The following CALCRL variants were observed in gnomAD, a reference collection of about 807,000 sequenced individuals.
CALCRL encodes the protein calcitonin receptor like receptor.
A neutral mutation model predicts 60.4 loss-of-function variants in CALCRL; 27 were observed. That is an observed-to-expected ratio of 0.45 (90% CI 0.33 to 0.62). The LOEUF (loss-of-function observed/expected upper bound fraction) is 0.62. Among genes scored for constraint, CALCRL ranks in the 20% least tolerant of loss-of-function variants. The pLI is 0.03. For synonymous variants in CALCRL, 190 were observed against 182.6 expected, an observed-to-expected ratio of 1.04 and a Z score of -0.33; for missense variants, 424 against 540.7, an observed-to-expected ratio of 0.78 and a Z score of 2.14.
At chr2:187,374,803 A>G (rs182751557) in intron 8 of CALCRL, among the ~76,000 whole-genome samples, 3 of 152,246 alleles carry the variant, frequency 2.0e-5, no homozygotes, top group East Asian at 1.9e-4. Context: ...GCCAGGTACT[A>G]TATGAGTCTA....
chr2:187,361,053 T>C (rs892758767), intron 9 of CALCRL, among the ~76,000 whole-genome samples: 4 of 152,072 alleles, frequency 2.6e-5, no homozygotes, highest in Non-Finnish European at 4.4e-5. Flanking sequence ...TAATTATAAG[T>C]ATAAAAGTGT....
intron 4 of CALCRL, among the ~76,000 whole-genome samples, chr2:187,383,799 T>C (rs138018896): frequency 2.6e-5 from 4 of 152,316 alleles, no homozygotes; most frequent in Admixed American, 2.0e-4. Context: ...ATTGTCATGA[T>C]ATTTTGATAA....
chr2:187,430,245 G>T (rs1559076386), intron 1 of CALCRL, among the ~76,000 whole-genome samples: 1 of 152,178 alleles, frequency 6.6e-6, no homozygotes, highest in Non-Finnish European at 1.5e-5. Flanking sequence ...TGCTGTGGGA[G>T]AAAGAACAAT....
At chr2:187,349,647 G>C (rs698591) in intron 14 of CALCRL, among the ~76,000 whole-genome samples, 151,285 of 151,766 alleles carry the variant, frequency 1, 75,406 homozygotes, top group Middle Eastern at 1. Context: ...AAAGATTTGG[G>C]AACAACCTAG....
chr2:187,398,897 A>C (rs1376522788), intron 1 of CALCRL, among the ~76,000 whole-genome samples: 1 of 151,694 alleles, frequency 6.6e-6, no homozygotes, highest in Non-Finnish European at 1.5e-5. Flanking sequence ...ATAACATTAG[A>C]GCCCTTTAAT....
chr2:187,370,567 T>G (rs982298656), intron 8 of CALCRL, among the ~76,000 whole-genome samples: 1 of 152,160 alleles, frequency 6.6e-6, no homozygotes, highest in African/African-American at 2.4e-5. Context: ...GGAATAAAGA[T>G]ATGTGATATT....
chr2:187,422,345 C>T (rs1017062603), intron 1 of CALCRL, among the ~76,000 whole-genome samples: 1 of 152,042 alleles, frequency 6.6e-6, no homozygotes, highest in Non-Finnish European at 1.5e-5. Context: ...GCTTGATAGC[C>T]CTGCTAACAA....
intron 1 of CALCRL, among the ~76,000 whole-genome samples, chr2:187,424,434 C>T (rs2105879600): frequency 7.5e-6 from 1 of 133,192 alleles, no homozygotes; most frequent in East Asian, 2.0e-4. Flanking sequence ...CTAGGCATTT[C>T]TCAAATACTT....
intron 1 of CALCRL, among the ~76,000 whole-genome samples, chr2:187,432,548 T>C (rs1376960598): frequency 1.3e-5 from 2 of 152,154 alleles, no homozygotes; most frequent in Non-Finnish European, 2.9e-5. Context: ...AAAAGTAATC[T>C]CTGCAACTGA....
At chr2:187,445,715 T>G (rs1359150225) in intron 1 of CALCRL, among the ~76,000 whole-genome samples, 2 of 151,542 alleles carry the variant, frequency 1.3e-5, no homozygotes, top group Admixed American at 6.6e-5. Context: ...TATTTTCAAT[T>G]TTTTATGAAA....
chr2:187,351,496 G>A (rs1419649367), intron 14 of CALCRL, among the ~76,000 whole-genome samples: 3 of 151,734 alleles, frequency 2.0e-5, no homozygotes, highest in Non-Finnish European at 4.4e-5. Context: ...TTGCCATAAA[G>A]TTGTTTCCAT....
Position 187,342,048 on chromosome 2 carries a change from G to C in CALCRL, c.*4136C>G, listed in dbSNP as rs1031988169. On this transcript the variant is annotated 3_prime_UTR_variant, in exon 15 of 15. Transcript: ENST00000392370. ...ACAGACAAATGAATAAATAAAATGT[G>C]GTATGTTCACCCAATGGAATAAAAG... 6.6e-6 allele frequency among the ~76,000 whole-genome samples: 1 copy of C among 151,672 alleles called. No individual in the cohort carries two copies. The highest frequency in any genetic ancestry group is 6.6e-5 in the Admixed American group (1 of 15,210).
intron 1 of CALCRL, among the ~76,000 whole-genome samples, chr2:187,408,444 C>A (rs957568531): frequency 6.6e-6 from 1 of 151,776 alleles, no homozygotes; most frequent in Non-Finnish European, 1.5e-5. Context: ...AGAAATAAAA[C>A]CCAATGATGT....
In CALCRL at chr2:187,359,259, A is replaced by C; in HGVS notation, c.795T>G (p.Ile265Met). 6.4e-7 allele frequency: 1 copy of C among 1,559,100 alleles called. No individual in the cohort carries two copies. ...TAGCAATGGCATGTATACAAGCAGG[A>C]ATCAGTGGAAATCCTGTAATAACAA... ...YYFLGWGFPL[I>M]PACIHAIARS... Residue 265 changes from isoleucine (I) to methionine (M), a missense_variant, in exon 11 of 15, where the codon ATT becomes ATG. Coordinates refer to ENST00000392370, the MANE Select transcript of CALCRL (RefSeq NM_005795.6).
At chr2:187,401,941 A>G (rs1299133159) in intron 1 of CALCRL, among the ~76,000 whole-genome samples, 1 of 151,444 alleles carries the variant, frequency 6.6e-6, no homozygotes, top group African/African-American at 2.4e-5. Context: ...GAAATCAAGG[A>G]AAGAAGGAAG....
At chr2:187,383,091 A>C (rs763427109) in intron 5 of CALCRL, 82 bp downstream of exon 5, 63 of 1,366,302 alleles carry the variant, frequency 4.6e-5, no homozygotes, top group Non-Finnish European at 5.9e-5. Flanking sequence ...TAATGGACCT[A>C]AAGCACTTAT....
At chr2:187,447,328 A>G (rs1178437614) in intron 1 of CALCRL, among the ~76,000 whole-genome samples, 1 of 151,930 alleles carries the variant, frequency 6.6e-6, no homozygotes, top group African/African-American at 2.4e-5. Flanking sequence ...AAAGATTTCA[A>G]AATTAAGAAT....
intron 1 of CALCRL, among the ~76,000 whole-genome samples, chr2:187,439,378 C>G (rs2105906726): frequency 6.6e-6 from 1 of 152,080 alleles, no homozygotes; most frequent in East Asian, 1.9e-4. Context: ...TGCTCACACC[C>G]AGGAGACAGA....
chr2:187,417,827 T>G (rs1162242041), intron 1 of CALCRL, among the ~76,000 whole-genome samples: 1 of 152,204 alleles, frequency 6.6e-6, no homozygotes, highest in Non-Finnish European at 1.5e-5. Flanking sequence ...TTTAAAGGTA[T>G]GAACTATAAA....
Sources: allele counts gnomAD v4.1 joint callset (sites outside exome capture counted in the v4.1 genomes callset), GRCh38; gene constraint gnomAD v4.1.1; transcripts MANE v1.5; gene names NCBI Gene and HGNC (gene_info 2026-07-23, HGNC 2026-07-21).